Variants in TGM7 observed in about 807,000 individuals in gnomAD.
TGM7 encodes protein-glutamine gamma-glutamyltransferase Z.
A neutral mutation model predicts 79.5 loss-of-function variants in TGM7; 74 were observed. That is an observed-to-expected ratio of 0.93 (90% CI 0.77 to 1.13). The LOEUF (loss-of-function observed/expected upper bound fraction) is 1.13. Ranked by LOEUF, TGM7 falls within the 50% of genes most tolerant of loss-of-function variation. TGM7 has a pLI of 0.00. For missense variants in TGM7, 912 were observed against 905.9 expected, an observed-to-expected ratio of 1.01 and a Z score of -0.09; for synonymous variants, 354 against 362.5, an observed-to-expected ratio of 0.98 and a Z score of 0.27.
intron 3 of TGM7, among the ~76,000 whole-genome samples, chr15:43,292,492 T>C (rs529040024): frequency 2.4e-4 from 36 of 152,368 alleles, no homozygotes; most frequent in Admixed American, 1.2e-3. Flanking sequence ...ACAATTAGGC[T>C]CATATTAGGA....
intron 1 of TGM7, among the ~76,000 whole-genome samples, chr15:43,298,270 G>A (rs1645634377): frequency 1.3e-5 from 2 of 152,182 alleles, no homozygotes; most frequent in Admixed American, 1.3e-4. Flanking sequence ...GAATCATCCT[G>A]CAGAAGAGCA....
In TGM7 at chr15:43,287,646, G is replaced by C; in HGVS notation, c.582C>G (p.Ile194Met). The C allele has an allele frequency of 6.2e-7, 1 of 1,613,420 alleles. No individual in the cohort carries two copies. The highest frequency in any genetic ancestry group is 8.5e-7 in the Non-Finnish European group (1 of 1,179,826). ...GGCTCTTGTTCAGGATCTCAAAGCA[G>C]ATGTCTATGATGTCCTCTTCAAACT... ...YGQFEEDIID[I>M]CFEILNKSLY... The change falls in exon 5 of 13, where the codon ATC becomes ATG. Residue 194 changes from isoleucine to methionine, a missense_variant. Coordinates refer to ENST00000452443, the MANE Select transcript of TGM7 (RefSeq NM_052955.3).
intron 1 of TGM7, among the ~76,000 whole-genome samples, chr15:43,297,483 G>A (rs2043002450): frequency 7.0e-6 from 1 of 142,114 alleles, no homozygotes; most frequent in Non-Finnish European, 1.5e-5. Flanking sequence ...CAGAAAGAGA[G>A]AAAGAGAAAG....
chr15:43,295,367 A>AATC (rs1774381527), intron 1 of TGM7, among the ~76,000 whole-genome samples: 1 of 152,162 alleles, frequency 6.6e-6, no homozygotes, highest in African/African-American at 2.4e-5. Flanking sequence ...AAGAAGGGTG[A>AATC]ATCACTTGAG....
At position 43,293,648 on chromosome 15, in the gene TGM7, G is replaced by T; in HGVS notation, c.11-17C>A. 1.3e-6 allele frequency: 2 copies of T among 1,584,148 alleles called. No individual in the cohort carries two copies. Among genetic ancestry groups the T allele is most frequent in the Non-Finnish European group, 1.7e-6 (2 of 1,166,898 alleles). ...AGGTTGCCACTAGGGGAGAGGAGGG[G>T]ACAGGTCACGCCCACCTGCAGTCCC... On this transcript the variant is annotated splice_polypyrimidine_tract_variant and intron_variant, in intron 1 of 12. Transcript: ENST00000452443.
chr15:43,281,923 G>T lies in TGM7; in HGVS notation c.1272C>A (p.Ser424=). Residue 424 remains serine, a synonymous_variant, in exon 9 of 13, where the codon TCC becomes TCA. Coordinates refer to ENST00000452443, the MANE Select transcript of TGM7 (RefSeq NM_052955.3). ...AQEILAHNTS[S]IGKEISTKMV... is the part of the protein sequence containing the mutation. ...TCTTAGTGCTGATCTCCTTCCCGAT[G>T]GAACTGGTGTTGTGGGCCAGGATTT... is the stretch of plus-strand genomic sequence containing the variant. 1 of 1,614,242 alleles carries T rather than the reference G, an allele frequency of 6.2e-7. No individual in the cohort carries two copies. Among genetic ancestry groups the T allele is most frequent in the Non-Finnish European group, 8.5e-7 (1 of 1,180,036 alleles).
At chr15:43,300,955 C>T (rs2043022488) in intron 1 of TGM7, among the ~76,000 whole-genome samples, 1 of 152,110 alleles carries the variant, frequency 6.6e-6, no homozygotes, top group African/African-American at 2.4e-5. Flanking sequence ...CTCTGTCTTG[C>T]ATTTAAAAAC....
Position 43,293,633 on chromosome 15 carries a change from T to A in TGM7, c.11-2A>T. On this transcript the variant is annotated splice_acceptor_variant, in intron 1 of 12. Coordinates refer to ENST00000452443, the MANE Select transcript of TGM7 (RefSeq NM_052955.3). LOFTEE classifies it high-confidence loss of function. The stretch of plus-strand genomic sequence containing the variant: ...CAGACTCAAGCCGCAAGGTTGCCAC[T>A]AGGGGAGAGGAGGGGACAGGTCACG... 6.3e-7 allele frequency: 1 copy of A among 1,599,528 alleles called. No individual in the cohort carries two copies. Among genetic ancestry groups the A allele is most frequent in the South Asian group, 1.1e-5 (1 of 90,316 alleles).
intron 10 of TGM7, 108 bp downstream of exon 10, chr15:43,279,517 G>C: frequency 7.3e-7 from 1 of 1,366,752 alleles, no homozygotes; most frequent in African/African-American, 1.4e-5. Context: ...ATGTGTGTGT[G>C]TTGGAGGAAG....
intron 7 of TGM7, among the ~76,000 whole-genome samples, chr15:43,283,459 T>G (rs1301947198): frequency 6.9e-6 from 1 of 144,772 alleles, no homozygotes; most frequent in Non-Finnish European, 1.5e-5. Context: ...TTGAAAACAA[T>G]CTCTCGCTCT....
rs748540490 is a variant in TGM7 at position 43,276,868 on chromosome 15, G to A, written c.1967C>T (p.Ala656Val). 7 of 1,613,886 alleles carry A rather than the reference G, an allele frequency of 4.3e-6. No homozygotes were observed. The East Asian group carries it at 1.6e-4, about 36-fold the overall frequency. Residue 656 changes from alanine to valine, a missense_variant, in exon 12 of 13, where the codon GCA becomes GTA. By Grantham distance (64) the Ala-to-Val change is moderately conservative. Coordinates refer to ENST00000452443, the MANE Select transcript of TGM7 (RefSeq NM_052955.3). ...GGGCAGAAGCGTCACTTACTCCTTT[G>A]CTATCTGCCCATTGATGAGGCCGCT... is the stretch of plus-strand genomic sequence containing the variant. ...EGSGLINGQI[A>V]KDLGTLVAGH...
At chr15:43,301,961 T>G in intron 1 of TGM7, 1 of 504,080 alleles carries the variant, frequency 2.0e-6, no homozygotes, top group Non-Finnish European at 3.6e-6. Context: ...GCCAAGCTCT[T>G]TTTGGGGCTC....
intron 8 of TGM7, 136 bp from the exon 9 acceptor site, chr15:43,282,222 C>T (rs2042913284): frequency 7.7e-7 from 1 of 1,302,488 alleles, no homozygotes; most frequent in African/African-American, 1.5e-5. Flanking sequence ...CACTTTTGTT[C>T]CCATTAATTC....
chr15:43,299,316 C>A (rs1234632436), intron 1 of TGM7, among the ~76,000 whole-genome samples: 1 of 152,218 alleles, frequency 6.6e-6, no homozygotes, highest in South Asian at 2.1e-4. Context: ...GGAAGGGCAG[C>A]GAGAGCCCTG....
At position 43,277,142 on chromosome 15, in the gene TGM7, CT is replaced by C. The variant is rs573098577; in HGVS notation, c.1840-148del. Reference sequence around the variant, plus strand: ...CACAGTGGCGAGGGAGGAATGTGAGCTGAGAGTACTTGAGATTAACACATAT... The same window carrying C: ...CACAGTGGCGAGGGAGGAATGTGAGCGAGAGTACTTGAGATTAACACATAT... On this transcript the variant is annotated intron_variant, in intron 11 of 12. Coordinates refer to ENST00000452443, the MANE Select transcript of TGM7 (RefSeq NM_052955.3). 3.7e-4 allele frequency: 375 copies of C among 1,011,914 alleles called. 2 individuals are homozygous for C. In the East Asian group the frequency reaches 9.5e-3, roughly 26 times the overall value. 62.7% of individuals were successfully genotyped at this position (1,011,914 alleles called of 1,614,324 possible).
chr15:43,292,223 C>T (rs2042967208), intron 3 of TGM7, 126 bp from the exon 4 acceptor site: 3 of 656,474 alleles, frequency 4.6e-6, no homozygotes, highest in Admixed American at 2.5e-5. Context: ...TTGATAGCAA[C>T]AGAAATTAAG....
intron 1 of TGM7, among the ~76,000 whole-genome samples, chr15:43,301,804 G>T (rs990488433): frequency 5.3e-5 from 8 of 152,066 alleles, no homozygotes; most frequent in Non-Finnish European, 1.2e-4. Context: ...ACTCAGGGGT[G>T]GGGGCAGCAA....
In TGM7 at chr15:43,276,958, ACT is replaced by A. The variant is rs781251711; in HGVS notation, c.1875_1876del (p.Arg625SerfsTer?). 3.7e-6 allele frequency: 6 copies of A among 1,613,690 alleles called. No individual in the cohort carries two copies. The highest frequency in any genetic ancestry group is 5.1e-6 in the Non-Finnish European group (6 of 1,179,892). On this transcript the variant is annotated frameshift_variant, in exon 12 of 13. Coordinates refer to ENST00000452443, the MANE Select transcript of TGM7 (RefSeq NM_052955.3). LOFTEE classifies it high-confidence loss of function. The stretch of plus-strand genomic sequence containing the variant: ...TAAGGTGTTGGTGAGGGTGACATGG[ACT>A]CTCAGCGCCTTGCCCACCTCAGCCC...
At chr15:43,300,603 C>T (rs1037452007) in intron 1 of TGM7, among the ~76,000 whole-genome samples, 2 of 152,188 alleles carry the variant, frequency 1.3e-5, no homozygotes, top group Non-Finnish European at 2.9e-5. Context: ...AGATCAAGAC[C>T]ATCCTGGCCA....
Sources: gnomAD v4.1 joint callset for allele counts (sites outside exome capture counted in the v4.1 genomes callset) on GRCh38, gnomAD v4.1.1 for gene constraint, MANE v1.5 for transcripts, NCBI Gene and HGNC (gene_info 2026-07-23, HGNC 2026-07-21) for gene names.